Variants in KLF13 observed in about 807,000 individuals in gnomAD.
KLF13 encodes the protein KLF transcription factor 13, also known as Krueppel-like factor 13.
In KLF13, 8 loss-of-function variants were observed where a neutral mutation model predicts 16.7. That is an observed-to-expected ratio of 0.48 (90% CI 0.28 to 0.87). The LOEUF is 0.87. KLF13 is among the 40% of genes least tolerant of loss of function. KLF13 has a pLI of 0.10. For missense variants in KLF13, 447 were observed against 452.2 expected (o/e 0.99, Z 0.10); for synonymous variants, 245 against 208.4 (o/e 1.18, Z -1.51).
intron 1 of KLF13, among the ~76,000 whole-genome samples, chr15:31,383,761 G>A (rs2039759108): frequency 1.3e-5 from 2 of 152,136 alleles, no homozygotes; most frequent in South Asian, 4.1e-4. Context: ...AATTAGCTGG[G>A]CGTGGTGGTG....
At chr15:31,396,356 A>G (rs1320527496) in intron 2 of KLF13, among the ~76,000 whole-genome samples, 2 of 149,346 alleles carry the variant, frequency 1.3e-5, no homozygotes, top group Admixed American at 6.6e-5. Context: ...ACAGGGTTTC[A>G]CCATGTTGGC....
chr15:31,364,435 G>T (rs1431760566), intron 1 of KLF13, among the ~76,000 whole-genome samples: 1 of 152,186 alleles, frequency 6.6e-6, no homozygotes, highest in Non-Finnish European at 1.5e-5. Context: ...AGACCAGAGC[G>T]CCTGGGACAG....
chr15:31,354,807 C>T (rs1404392159), intron 1 of KLF13, among the ~76,000 whole-genome samples: 2 of 152,282 alleles, frequency 1.3e-5, no homozygotes, highest in African/African-American at 2.4e-5. Context: ...CCCCCACCAC[C>T]GTCCTCTCCA....
downstream of KLF13, among the ~76,000 whole-genome samples, chr15:31,405,139 T>C (rs1399982886): frequency 6.6e-6 from 1 of 152,050 alleles, no homozygotes. Context: ...AGAGCTCTCA[T>C]GAATGAGGTT....
intron 1 of KLF13, among the ~76,000 whole-genome samples, chr15:31,370,047 T>TTC (rs2039533400): frequency 1.3e-5 from 2 of 148,594 alleles, no homozygotes; most frequent in Admixed American, 6.7e-5. Context: ...CCTTTTTCTT[T>TTC]TTTTTTTTTT....
chr15:31,337,574 A>G (rs1160576652), intron 1 of KLF13, among the ~76,000 whole-genome samples: 1 of 152,206 alleles, frequency 6.6e-6, no homozygotes, highest in Non-Finnish European at 1.5e-5. Context: ...CTTACTATGC[A>G]CACCTAAATG....
At chr15:31,402,723 G>T (rs1333653202) in intron 2 of KLF13, among the ~76,000 whole-genome samples, 2 of 152,204 alleles carry the variant, frequency 1.3e-5, no homozygotes, top group African/African-American at 4.8e-5. Context: ...CTTATCACCA[G>T]ACACTCAGTT....
chr15:31,386,182 G>A (rs56396205), intron 1 of KLF13, among the ~76,000 whole-genome samples: 7,792 of 152,298 alleles, frequency 0.051, 288 homozygotes, highest in East Asian at 0.13. Context: ...GCTAGCAGAG[G>A]TTTATTCATG....
intron 1 of KLF13, among the ~76,000 whole-genome samples, chr15:31,351,289 C>T (rs951736411): frequency 2.0e-5 from 3 of 152,204 alleles, no homozygotes; most frequent in African/African-American, 7.2e-5. Flanking sequence ...ATTTGAGAAA[C>T]AGGAAAGTAT....
At chr15:31,401,674 C>A (rs1292363626) in intron 2 of KLF13, among the ~76,000 whole-genome samples, 1 of 152,154 alleles carries the variant, frequency 6.6e-6, no homozygotes, top group African/African-American at 2.4e-5. Context: ...TATATTGTGC[C>A]CATTTTACAA....
downstream of KLF13, among the ~76,000 whole-genome samples, chr15:31,380,511 C>T (rs963836613): frequency 3.9e-5 from 6 of 152,154 alleles, no homozygotes; most frequent in Non-Finnish European, 8.8e-5. Context: ...TCATCAAGAC[C>T]CTCTGACACT....
At chr15:31,429,182 G>C (rs1195723141) in intron 1 of KLF13, among the ~76,000 whole-genome samples, 2 of 137,492 alleles carry the variant, frequency 1.5e-5, no homozygotes. Flanking sequence ...GAGCAGCAGG[G>C]AAAGGACAGC....
chr15:31,408,658 T>A (rs1173462984), downstream of KLF13, among the ~76,000 whole-genome samples: 1 of 152,224 alleles, frequency 6.6e-6, no homozygotes, highest in Non-Finnish European at 1.5e-5. Context: ...CTGTCACTAC[T>A]GTTAAATGTT....
chr15:31,328,090 G>T (rs1056476174), intron 1 of KLF13, among the ~76,000 whole-genome samples: 5 of 141,024 alleles, frequency 3.5e-5, no homozygotes, highest in Non-Finnish European at 6.2e-5. Context: ...CTGGGGGCGG[G>T]GACCCCTCCC....
At chr15:31,335,993 C>T (rs771663931) in intron 1 of KLF13, among the ~76,000 whole-genome samples, 5 of 152,264 alleles carry the variant, frequency 3.3e-5, no homozygotes, top group Admixed American at 6.5e-5. Context: ...GTGTCACGTG[C>T]TTGTCTCCTG....
intron 1 of KLF13, among the ~76,000 whole-genome samples, chr15:31,344,705 A>G (rs1355616005): frequency 2.0e-5 from 3 of 151,728 alleles, no homozygotes; most frequent in Non-Finnish European, 4.4e-5. Flanking sequence ...CCTTGGGTTT[A>G]CAGATTTTTA....
chr15:31,384,172 C>T (rs1220869615), intron 1 of KLF13, among the ~76,000 whole-genome samples: 2 of 152,224 alleles, frequency 1.3e-5, no homozygotes, highest in Admixed American at 6.5e-5. Flanking sequence ...GGTGAGGTGG[C>T]TCATGCCTGT....
intron 1 of KLF13, among the ~76,000 whole-genome samples, chr15:31,359,281 C>T (rs1215447202): frequency 6.6e-6 from 1 of 152,152 alleles, no homozygotes; most frequent in Non-Finnish European, 1.5e-5. Flanking sequence ...CATTGGTATT[C>T]TATTATTTCT....
chr15:31,395,660 C>G (rs2039943504), intron 2 of KLF13, among the ~76,000 whole-genome samples: 2 of 152,202 alleles, frequency 1.3e-5, no homozygotes, highest in Admixed American at 1.3e-4. Flanking sequence ...TTACTGTCCT[C>G]CTTTTTGTTC....
Sources: allele counts gnomAD v4.1 joint callset (sites outside exome capture counted in the v4.1 genomes callset), GRCh38; gene constraint gnomAD v4.1.1; transcripts MANE v1.5; gene names NCBI Gene and HGNC (gene_info 2026-07-23, HGNC 2026-07-21).